PSPC1: variants seen among roughly 807,000 people sequenced by gnomAD.
The protein encoded by PSPC1 is paraspeckle protein 1.
PSPC1 carries 14 observed loss-of-function variants against 51.6 expected under a neutral mutation model. The ratio of observed to expected loss-of-function variants is 0.27; its 90% CI spans 0.18 to 0.42. The LOEUF is 0.42. Among genes scored for constraint, PSPC1 ranks in the 10% least tolerant of loss-of-function variants. PSPC1 has a pLI of 1.00. For synonymous variants in PSPC1, 193 were observed against 231.9 expected (o/e 0.83, Z 1.53); for missense variants, 406 against 701.1 (o/e 0.58, Z 4.75).
chr13:19,744,040 G>A (rs1283440716), intron 4 of PSPC1, among the ~76,000 whole-genome samples: 4 of 152,104 alleles, frequency 2.6e-5, no homozygotes, highest in African/African-American at 7.2e-5. Context: ...CCCGGGAGGC[G>A]GAGGCTGCAG....
At position 19,691,441 on chromosome 13, in the gene PSPC1, T is replaced by G. The variant is rs181035063; in HGVS notation, c.1159-13618A>C. Among the ~76,000 whole-genome samples, 694 of 152,226 alleles carry G rather than the reference T, an allele frequency of 4.6e-3. 5 individuals carry two copies. The highest frequency in any genetic ancestry group is 0.027 in the South Asian group (128 of 4,822). ...CTACTACTGAGGTGGGATGATCACT[T>G]GGGCCTAGGAGTTTGAGGCTGCGGT... On this transcript the variant is annotated intron_variant and NMD_transcript_variant, in intron 6 of 7. Transcript: ENST00000471658.
At chr13:19,734,999 AAC>A (rs1884604664) in intron 5 of PSPC1, among the ~76,000 whole-genome samples, 2 of 150,090 alleles carry the variant, frequency 1.3e-5, no homozygotes, top group African/African-American at 4.9e-5. Context: ...CAAACAAACA[AAC>A]AAAAAAAACA....
intron 6 of PSPC1, among the ~76,000 whole-genome samples, chr13:19,726,557 T>C (rs990765424): frequency 1.3e-5 from 2 of 152,184 alleles, no homozygotes; most frequent in Non-Finnish European, 2.9e-5. Flanking sequence ...AGTAGTATGA[T>C]CTAAGAACCC....
intron 1 of PSPC1, among the ~76,000 whole-genome samples, chr13:19,775,770 G>C (rs1889052346): frequency 6.6e-6 from 1 of 152,178 alleles, no homozygotes; most frequent in African/African-American, 2.4e-5. Flanking sequence ...TGAGAATAGG[G>C]CTGGGCACAG....
chr13:19,735,819 T>A (rs1013698161), intron 5 of PSPC1, among the ~76,000 whole-genome samples: 1 of 151,550 alleles, frequency 6.6e-6, no homozygotes, highest in East Asian at 1.9e-4. Flanking sequence ...GCAAAACTAC[T>A]CAAAAAAAAA....
intron 5 of PSPC1, among the ~76,000 whole-genome samples, chr13:19,740,887 T>C (rs1287643337): frequency 1.3e-5 from 2 of 152,046 alleles, no homozygotes; most frequent in Non-Finnish European, 2.9e-5. Flanking sequence ...TCTTTTTTTT[T>C]TTTTTGAGAT....
At chr13:19,704,243 G>T (rs1157404927) in intron 8 of PSPC1, among the ~76,000 whole-genome samples, 6 of 152,254 alleles carry the variant, frequency 3.9e-5, no homozygotes, top group African/African-American at 1.4e-4. Context: ...ATAAAATAAA[G>T]CCTCTACTGA....
intron 3 of PSPC1, among the ~76,000 whole-genome samples, chr13:19,759,106 C>G (rs1336292607): frequency 6.6e-6 from 1 of 151,872 alleles, no homozygotes; most frequent in African/African-American, 2.4e-5. Flanking sequence ...GCCAAGATCA[C>G]ACCACTGCAC....
chr13:19,695,238 A>G (rs558256765), intron 6 of PSPC1, among the ~76,000 whole-genome samples: 37 of 152,286 alleles, frequency 2.4e-4, no homozygotes, highest in East Asian at 9.6e-4. Flanking sequence ...TCATCCATTC[A>G]TATGTCAAAA....
At chr13:19,777,114 C>A in intron 1 of PSPC1, among the ~76,000 whole-genome samples, 1 of 75,148 alleles carries the variant, frequency 1.3e-5, no homozygotes. Flanking sequence ...AGCGAGGCTC[C>A]ATCTAAAAAA....
At chr13:19,759,254 TATTTG>T in intron 3 of PSPC1, 64 bp downstream of exon 3, 1 of 1,219,358 alleles carries the variant, frequency 8.2e-7, no homozygotes, top group Non-Finnish European at 1.2e-6. Context: ...CATAATCCAA[TATTTG>T]AAAACAAATG....
rs1344765887 is a variant in PSPC1, at chr13:19,782,355, T to C, written c.372+31A>G. 6 of 1,553,328 alleles carry C rather than the reference T, an allele frequency of 3.9e-6. No homozygotes were observed. Among genetic ancestry groups the C allele is most frequent in the South Asian group, 3.6e-5 (3 of 82,904 alleles). ...CCCCGCGGCCACCCCGACAGTCCTT[T>C]TGTTCCCTCGCGCGGGCGCCTGACA... On this transcript the variant is annotated intron_variant, in intron 1 of 8. Transcript: ENST00000338910. This position sits in a 1 kb window ranked among gnomAD's most constrained non-coding sequence, Gnocchi z 4.5.
intron 4 of PSPC1, among the ~76,000 whole-genome samples, chr13:19,747,968 C>T (rs1305213816): frequency 6.6e-6 from 1 of 152,186 alleles, no homozygotes; most frequent in African/African-American, 2.4e-5. Context: ...AATCCCAGCA[C>T]TGTGGGAGGT....
intron 5 of PSPC1, among the ~76,000 whole-genome samples, chr13:19,738,602 G>A (rs920724689): frequency 6.6e-6 from 1 of 152,152 alleles, no homozygotes; most frequent in African/African-American, 2.4e-5. Flanking sequence ...TTGTTATACT[G>A]CACGGTTTAG....
intron 6 of PSPC1, among the ~76,000 whole-genome samples, chr13:19,722,031 A>G (rs893567382): frequency 2.0e-5 from 3 of 152,238 alleles, no homozygotes; most frequent in Non-Finnish European, 4.4e-5. Context: ...TTGGCATTTG[A>G]AAAACAAGAC....
intron 5 of PSPC1, among the ~76,000 whole-genome samples, chr13:19,740,876 A>G (rs1182781626): frequency 1.3e-5 from 2 of 149,936 alleles, no homozygotes; most frequent in Non-Finnish European, 3.0e-5. Context: ...ACTTCCAGAA[A>G]TCTTTTTTTT....
chr13:19,723,055 G>A (rs1882965706), intron 6 of PSPC1, among the ~76,000 whole-genome samples: 1 of 152,148 alleles, frequency 6.6e-6, no homozygotes, highest in Non-Finnish European at 1.5e-5. Flanking sequence ...AGGTTGCAGT[G>A]AGTCAAGATC....
chr13:19,677,933 TC>T, intron 6 of PSPC1: 1 of 435,094 alleles, frequency 2.3e-6, no homozygotes, highest in Non-Finnish European at 4.6e-6. Flanking sequence ...AATTGAGGTT[TC>T]GATACCATGT....
chr13:19,759,220 A>G (rs918197226), intron 3 of PSPC1, 103 bp downstream of exon 3: 62 of 881,720 alleles, frequency 7.0e-5, no homozygotes, highest in Non-Finnish European at 9.3e-5. Context: ...TATTACCCAG[A>G]TTATATAAAT....
Sources: gnomAD v4.1 joint callset for allele counts (sites outside exome capture counted in the v4.1 genomes callset) on GRCh38, gnomAD v4.1.1 for gene constraint, Gnocchi (gnomAD v3.1) non-coding constraint, MANE v1.5 for transcripts, NCBI Gene and HGNC (gene_info 2026-07-23, HGNC 2026-07-21) for gene names.